Variants in UNC13C observed in about 807,000 individuals in gnomAD.
The protein encoded by UNC13C is unc-13 homolog C.
In UNC13C, 174 loss-of-function variants were observed where a neutral mutation model predicts 245.4. The observed-to-expected ratio is 0.71, with a 90% CI of 0.63 to 0.80. The LOEUF (loss-of-function observed/expected upper bound fraction) is 0.80. UNC13C is among the 30% of genes least tolerant of loss of function. The probability of loss-of-function intolerance (pLI) is 0.00; values close to 1 mark genes in which losing one functional copy is unlikely to be tolerated. For missense variants in UNC13C, 2,829 were observed against 2,602.9 expected (o/e 1.09, Z -1.89); for synonymous variants, 992 against 895.1 (o/e 1.11, Z -1.93).
intron 19 of UNC13C, among the ~76,000 whole-genome samples, chr15:54,486,935 G>A (rs1426697207): frequency 6.6e-6 from 1 of 152,152 alleles, no homozygotes; most frequent in African/African-American, 2.4e-5. Context: ...TATGGCTTTA[G>A]ATCTAGACCA....
chr15:54,038,496 G>A (rs1010156179), intron 2 of UNC13C, among the ~76,000 whole-genome samples: 11 of 151,950 alleles, frequency 7.2e-5, no homozygotes, highest in Non-Finnish European at 1.5e-4. Context: ...TTAAAATTAA[G>A]GAGGCTTTAA....
At chr15:54,402,433 A>G (rs2040206714) in intron 18 of UNC13C, among the ~76,000 whole-genome samples, 1 of 152,136 alleles carries the variant, frequency 6.6e-6, no homozygotes, top group Non-Finnish European at 1.5e-5. Flanking sequence ...ACCTCTGAAG[A>G]TTTCAATTTT....
chr15:53,971,059 G>A, the UNC13C span, among the ~76,000 whole-genome samples: 1 of 152,000 alleles, frequency 6.6e-6, no homozygotes, highest in Non-Finnish European at 1.5e-5. Context: ...TACTCTAATG[G>A]GTGTGAAGTA....
intron 2 of UNC13C, among the ~76,000 whole-genome samples, chr15:54,140,320 G>A (rs2031954230): frequency 6.6e-6 from 1 of 152,122 alleles, no homozygotes; most frequent in Non-Finnish European, 1.5e-5. Context: ...AAGTGGTGTA[G>A]CTTATTAAAA....
At chr15:54,118,651 T>G (rs891315147) in intron 2 of UNC13C, among the ~76,000 whole-genome samples, 1 of 152,164 alleles carries the variant, frequency 6.6e-6, no homozygotes, top group African/African-American at 2.4e-5. Flanking sequence ...CTGCCCTACT[T>G]ACTCTGGCCA....
At chr15:54,130,550 C>T (rs12901936) in intron 2 of UNC13C, among the ~76,000 whole-genome samples, 55,763 of 151,784 alleles carry the variant, frequency 0.37, 10,310 homozygotes, top group Admixed American at 0.39. Flanking sequence ...CCTCGGCCTC[C>T]CAAAGTGCTA....
intron 25 of UNC13C, among the ~76,000 whole-genome samples, chr15:54,526,320 A>T (rs1457677093): frequency 6.6e-6 from 1 of 152,248 alleles, no homozygotes; most frequent in African/African-American, 2.4e-5. Flanking sequence ...TAAAATAGCT[A>T]GGAAAGAAAA....
rs143103851 is a variant in UNC13C at position 54,116,730 on chromosome 15, G to A, written c.2984-26288G>A. 2.0e-4 allele frequency among the ~76,000 whole-genome samples: 31 copies of A among 152,152 alleles called. No homozygotes were observed. The East Asian group carries it at 5.6e-3, about 27-fold the overall frequency. On this transcript the variant is annotated intron_variant, in intron 2 of 32. Coordinates refer to ENST00000260323, the MANE Select transcript of UNC13C (RefSeq NM_001080534.3). ...TGTTGGCTATTGTAAATAGTGCTGC[G>A]ATAAACATGAGAATGCAGACATTTC...
At chr15:54,180,685 A>G (rs2141301785) in intron 4 of UNC13C, among the ~76,000 whole-genome samples, 1 of 152,044 alleles carries the variant, frequency 6.6e-6, no homozygotes, top group Non-Finnish European at 1.5e-5. Flanking sequence ...TTTAATAGCC[A>G]TTCTGATTGG....
chr15:54,413,909 A>T (rs1439342857), intron 18 of UNC13C, among the ~76,000 whole-genome samples: 1 of 152,186 alleles, frequency 6.6e-6, no homozygotes, highest in Non-Finnish European at 1.5e-5. Context: ...GTATATATAT[A>T]GAGAGAAAAT....
chr15:54,058,986 C>A (rs1897671941), intron 2 of UNC13C, among the ~76,000 whole-genome samples: 1 of 152,152 alleles, frequency 6.6e-6, no homozygotes, highest in Non-Finnish European at 1.5e-5. Context: ...CTATCTATGA[C>A]AAACCCACAG....
the UNC13C span, among the ~76,000 whole-genome samples, chr15:53,929,237 C>T: frequency 3.9e-5 from 6 of 152,110 alleles, no homozygotes; most frequent in African/African-American, 1.2e-4. Flanking sequence ...ATCAAAAGAA[C>T]AGCATAGGAA....
At chr15:54,531,587 G>A (rs752591744) in intron 25 of UNC13C, among the ~76,000 whole-genome samples, 11 of 152,000 alleles carry the variant, frequency 7.2e-5, no homozygotes, top group Admixed American at 2.6e-4. Flanking sequence ...AGCCGAGAAG[G>A]TGTGGAGTCA....
chr15:54,584,052 C>A lies in UNC13C; in HGVS notation c.6106+16105C>A, dbSNP rs766840563. On this transcript the variant is annotated intron_variant, in intron 30 of 32. Transcript: ENST00000260323. The stretch of plus-strand genomic sequence containing the variant: ...GGGATGTGTAAGTAAGAGATTTCTT[C>A]TGTTCCTGCGTTTTGGTTTCACCTC... Among the ~76,000 whole-genome samples, 42 of 152,286 alleles carry A rather than the reference C, an allele frequency of 2.8e-4. 1 individual carries two copies. The highest frequency in any genetic ancestry group is 5.3e-4 in the Non-Finnish European group (36 of 68,036).
At chr15:53,904,896 T>C in the UNC13C span, among the ~76,000 whole-genome samples, 1 of 152,126 alleles carries the variant, frequency 6.6e-6, no homozygotes, top group African/African-American at 2.4e-5. Flanking sequence ...CTAGAGATGT[T>C]GTGGATTGAT....
chr15:54,166,994 T>G (rs1209199481), intron 4 of UNC13C, among the ~76,000 whole-genome samples: 2 of 152,122 alleles, frequency 1.3e-5, no homozygotes, highest in Non-Finnish European at 2.9e-5. Context: ...AAAATTTACA[T>G]GGAAATATAA....
At chr15:53,841,368 A>G in the UNC13C span, among the ~76,000 whole-genome samples, 1 of 152,060 alleles carries the variant, frequency 6.6e-6, no homozygotes, top group South Asian at 2.1e-4. Context: ...GAAAGCTTCA[A>G]CCAAAAGCAA....
intron 19 of UNC13C, among the ~76,000 whole-genome samples, chr15:54,466,535 G>A (rs926740950): frequency 2.0e-5 from 3 of 151,932 alleles, no homozygotes; most frequent in African/African-American, 7.2e-5. Flanking sequence ...GCATGTTGGA[G>A]ATGAACTTCA....
chr15:53,850,498 A>T, the UNC13C span, among the ~76,000 whole-genome samples: 1 of 152,164 alleles, frequency 6.6e-6, no homozygotes, highest in Non-Finnish European at 1.5e-5. Flanking sequence ...TAAGTTCTTT[A>T]AAAGGTTGTC....
Sources: gnomAD v4.1 joint callset for allele counts (sites outside exome capture counted in the v4.1 genomes callset) on GRCh38, gnomAD v4.1.1 for gene constraint, MANE v1.5 for transcripts, NCBI Gene and HGNC (gene_info 2026-07-23, HGNC 2026-07-21) for gene names.